The following UNC5D variants were observed in gnomAD, a reference collection of about 807,000 sequenced individuals.
The protein encoded by UNC5D is unc-5 netrin receptor D.
In UNC5D, 39 loss-of-function variants were observed where a neutral mutation model predicts 105.4. The ratio of observed to expected loss-of-function variants is 0.37; its 90% CI spans 0.29 to 0.48. The LOEUF is 0.48. Among genes scored for constraint, UNC5D ranks in the 20% least tolerant of loss-of-function variants. The pLI is 0.98. For missense variants in UNC5D, 991 were observed against 1,202.4 expected (o/e 0.82, Z 2.60); for synonymous variants, 452 against 450.4 (o/e 1.00, Z -0.04).
chr8:35,699,263 C>A (rs1827008902), intron 7 of UNC5D, among the ~76,000 whole-genome samples: 1 of 152,082 alleles, frequency 6.6e-6, no homozygotes, highest in Non-Finnish European at 1.5e-5. Flanking sequence ...CCAGTCCCCC[C>A]AGTTTGAAAG....
At chr8:35,462,006 A>G (rs780987312) in intron 1 of UNC5D, among the ~76,000 whole-genome samples, 2 of 152,164 alleles carry the variant, frequency 1.3e-5, no homozygotes, top group Admixed American at 6.5e-5. Context: ...CACCCTGGAA[A>G]GTTTCATGGT....
chr8:35,703,171 C>A lies in UNC5D; in HGVS notation c.1085-2758C>A, dbSNP rs541948810. Among the ~76,000 whole-genome samples, 13 of 151,966 alleles carry A rather than the reference C, an allele frequency of 8.6e-5. No individual in the cohort carries two copies. The East Asian group carries it at 2.3e-3, about 27-fold the overall frequency. ...GGAGTTGTGACTTCTCTCTAAGCAGCAGCACAAATAGGCATTTTTTTTTTT... is the reference window on the plus strand; with the variant it reads ...GGAGTTGTGACTTCTCTCTAAGCAGAAGCACAAATAGGCATTTTTTTTTTT... On this transcript the variant is annotated intron_variant, in intron 7 of 16. Transcript: ENST00000404895.
intron 1 of UNC5D, among the ~76,000 whole-genome samples, chr8:35,329,297 C>G (rs1355180168): frequency 6.6e-6 from 1 of 151,744 alleles, no homozygotes; most frequent in Non-Finnish European, 1.5e-5. Flanking sequence ...TATTTTTGTC[C>G]TCTAGGAAGA....
chr8:35,414,575 A>AT (rs758246516), intron 1 of UNC5D, among the ~76,000 whole-genome samples: 3 of 152,058 alleles, frequency 2.0e-5, no homozygotes, highest in Non-Finnish European at 2.9e-5. Flanking sequence ...ATTAAAAGGG[A>AT]TTTTTTTCAA....
At chr8:35,331,126 G>A (rs1183317559) in intron 1 of UNC5D, among the ~76,000 whole-genome samples, 7 of 152,140 alleles carry the variant, frequency 4.6e-5, no homozygotes, top group Non-Finnish European at 1.5e-5. Flanking sequence ...GAGATTAAGA[G>A]ACAGGAAAAA....
intron 3 of UNC5D, among the ~76,000 whole-genome samples, chr8:35,574,286 A>C (rs886291884): frequency 6.6e-6 from 1 of 152,230 alleles, no homozygotes; most frequent in Non-Finnish European, 1.5e-5. Context: ...TGGAGAAGAA[A>C]GGGAATGTTT....
rs115263654 is a variant in UNC5D at position 35,657,711 on chromosome 8, T to C, written c.571-25836T>C. ...ATATTGCACAACCTGGTCTCAAACT[T>C]ATGACCTCAAGTGATCCTCCTACAT... On this transcript the variant is annotated intron_variant, in intron 4 of 16. Coordinates refer to ENST00000404895, the MANE Select transcript of UNC5D (RefSeq NM_080872.4). 5.9e-3 allele frequency among the ~76,000 whole-genome samples: 896 copies of C among 152,274 alleles called. 12 individuals are homozygous for C. The highest frequency in any genetic ancestry group is 0.02 in the African/African-American group (815 of 41,546).
chr8:35,284,701 C>CCCA (rs1339937123), intron 1 of UNC5D, among the ~76,000 whole-genome samples: 1 of 152,044 alleles, frequency 6.6e-6, no homozygotes, highest in Non-Finnish European at 1.5e-5. Flanking sequence ...ACTACAGGCA[C>CCCA]CCACCACCAC....
chr8:35,377,456 G>T (rs1241146632), intron 1 of UNC5D, among the ~76,000 whole-genome samples: 1 of 152,150 alleles, frequency 6.6e-6, no homozygotes. Context: ...TGCAGGGCCC[G>T]GGATTGGGGT....
intron 1 of UNC5D, among the ~76,000 whole-genome samples, chr8:35,521,456 A>G (rs1298463887): frequency 2.0e-5 from 3 of 152,188 alleles, no homozygotes; most frequent in Non-Finnish European, 4.4e-5. Flanking sequence ...CATGAAAAGG[A>G]CCATGTTTTA....
At chr8:35,318,614 A>G (rs149755479) in intron 1 of UNC5D, among the ~76,000 whole-genome samples, 62 of 152,282 alleles carry the variant, frequency 4.1e-4, no homozygotes, top group African/African-American at 1.5e-3. Context: ...CAATGTGAGT[A>G]CCACATAATA....
At chr8:35,305,593 CTTTCTT>C (rs1808304504) in intron 1 of UNC5D, among the ~76,000 whole-genome samples, 1 of 142,014 alleles carries the variant, frequency 7.0e-6, no homozygotes, top group Non-Finnish European at 1.5e-5. Flanking sequence ...TTCTTTCTTT[CTTTCTT>C]TCTTTCTTTC....
intron 1 of UNC5D, among the ~76,000 whole-genome samples, chr8:35,250,999 C>T (rs562218882): frequency 3.2e-4 from 49 of 152,210 alleles, no homozygotes; most frequent in Non-Finnish European, 6.0e-4. Context: ...TGTGTATAAA[C>T]ATAGAAACTG....
In UNC5D at chr8:35,748,696, G is replaced by C. The variant is rs1713947453; in HGVS notation, c.1935+1G>C. On this transcript the variant is annotated splice_donor_variant, in intron 12 of 16. Transcript: ENST00000404895. LOFTEE classifies it high-confidence loss of function. Reference sequence around the variant, plus strand: ...GAGGACACAGCAGGGCAAATGGGAGGTGAGACCCTTTACTTCCTTTTTTAA... The same window carrying C: ...GAGGACACAGCAGGGCAAATGGGAGCTGAGACCCTTTACTTCCTTTTTTAA... 6.2e-7 allele frequency: 1 copy of C among 1,612,140 alleles called. No homozygotes were observed. Among genetic ancestry groups the C allele is most frequent in the Middle Eastern group, 1.7e-4 (1 of 6,046 alleles).
intron 3 of UNC5D, among the ~76,000 whole-genome samples, chr8:35,572,297 A>AAAAAC (rs1451494234): frequency 7.0e-6 from 1 of 143,334 alleles, no homozygotes; most frequent in African/African-American, 2.5e-5. Context: ...AAAAAAAAAA[A>AAAAAC]AAACCCACAC....
chr8:35,498,084 C>CAAAAAAAAA (rs58175711), intron 1 of UNC5D, among the ~76,000 whole-genome samples: 13 of 58,190 alleles, frequency 2.2e-4, no homozygotes, highest in Non-Finnish European at 4.7e-4. Flanking sequence ...CAAAACAAAA[C>CAAAAAAAAA]AAAAAAAAAA....
intron 4 of UNC5D, among the ~76,000 whole-genome samples, chr8:35,631,146 C>G (rs1287957270): frequency 6.6e-6 from 1 of 152,174 alleles, no homozygotes; most frequent in African/African-American, 2.4e-5. Flanking sequence ...AACCCCATCT[C>G]TACCAAAATA....
intron 11 of UNC5D, among the ~76,000 whole-genome samples, chr8:35,739,754 A>C (rs1407932756): frequency 1.3e-5 from 2 of 152,186 alleles, no homozygotes; most frequent in African/African-American, 4.8e-5. Context: ...GGAAGTAGAA[A>C]TAACCTGTCC....
At chr8:35,336,995 AT>A (rs975365929) in intron 1 of UNC5D, among the ~76,000 whole-genome samples, 128 of 152,138 alleles carry the variant, frequency 8.4e-4, no homozygotes, top group African/African-American at 3.0e-3. Flanking sequence ...TATCATTTGT[AT>A]TTTTCATATT....
Sources: gnomAD v4.1 joint callset for allele counts (sites outside exome capture counted in the v4.1 genomes callset) on GRCh38, gnomAD v4.1.1 for gene constraint, MANE v1.5 for transcripts, NCBI Gene and HGNC (gene_info 2026-07-23, HGNC 2026-07-21) for gene names.